ZNF559: variants seen among roughly 807,000 people sequenced by gnomAD.
ZNF559 encodes putative protein product of Nbla00121.
Under a neutral mutation model 14.2 loss-of-function variants are expected in ZNF559, and 17 were observed. The ratio of observed to expected loss-of-function variants is 1.20; its 90% CI spans 0.82 to 1.80. The LOEUF (loss-of-function observed/expected upper bound fraction) is 1.80. ZNF559 is among the 40% of genes most tolerant of loss of function. The pLI, the probability that ZNF559 is intolerant of heterozygous loss-of-function variation, is 0.00. For synonymous variants in ZNF559, 244 were observed against 212.4 expected (o/e 1.15, Z -1.29); for missense variants, 740 against 629.7 (o/e 1.18, Z -1.88).
chr19:9,326,476 G>T (rs1825778147), intron 2 of ZNF559, among the ~76,000 whole-genome samples: 2 of 152,186 alleles, frequency 1.3e-5, no homozygotes, highest in South Asian at 4.1e-4. Context: ...CCGTTCTCAT[G>T]CAATGATGTT....
Position 9,342,243 on chromosome 19 carries a change from T to C in ZNF559, c.792T>C (p.Ser264=), listed in dbSNP as rs374613893. 6.3e-7 allele frequency: 1 copy of C among 1,586,814 alleles called. No individual in the cohort carries two copies. The highest frequency in any genetic ancestry group is 8.5e-7 in the Non-Finnish European group (1 of 1,170,772). The change falls in exon 7 of 7, where the codon AGT becomes AGC. Residue 264 remains serine, a synonymous_variant. Transcript: ENST00000603380. ...TTACTCAACATTTAAGAACTCATAG[T>C]AGAGTGTTACCTATAGAACATAAGA... ...SYLTQHLRTH[S]RVLPIEHKKF... is the part of the protein sequence containing the mutation.
chr19:9,339,232 C>A lies in ZNF559; in HGVS notation c.73C>A (p.Gln25Lys). ...TGAGGATGTGGCTGTGGACTTCACC[C>A]AGGAGGAGTGGACTTTGCTGGATCA... is the stretch of plus-strand genomic sequence containing the variant. ...TFEDVAVDFT[Q>K]EEWTLLDQTQ... Residue 25 changes from glutamine (Q) to lysine (K), a missense_variant, in exon 5 of 7, where the codon CAG becomes AAG. Gln to Lys is a moderately conservative substitution (Grantham distance 53). Coordinates refer to ENST00000603380, the MANE Select transcript of ZNF559 (RefSeq NM_032497.3). The A allele has an allele frequency of 6.2e-7, 1 of 1,613,918 alleles. No individual in the cohort carries two copies. The highest frequency in any genetic ancestry group is 1.1e-5 in the South Asian group (1 of 91,078).
intron 5 of ZNF559, among the ~76,000 whole-genome samples, chr19:9,339,934 A>ATTTT (rs545536064): frequency 1.5e-4 from 13 of 86,402 alleles, no homozygotes; most frequent in Non-Finnish European, 1.9e-4. Context: ...ACGCCTGGCT[A>ATTTT]TTTTTTTTTT....
Position 9,342,367 on chromosome 19 carries a change from T to C in ZNF559, c.916T>C (p.Phe306Leu), listed in dbSNP as rs932024391. The C allele has an allele frequency of 6.2e-7, 1 of 1,609,910 alleles. No homozygotes were observed. Among genetic ancestry groups the C allele is most frequent in the Non-Finnish European group, 8.5e-7 (1 of 1,177,926 alleles). ...HYVCNECGKE[F>L]TCFSKLNIHI... ...TGTTTGTAATGAATGTGGCAAAGAA[T>C]TTACTTGTTTCTCAAAACTCAACAT... Residue 306 changes from phenylalanine (F) to leucine (L), a missense_variant, in exon 7 of 7, where the codon TTT (phenylalanine) becomes CTT (leucine). Coordinates refer to ENST00000603380, the MANE Select transcript of ZNF559 (RefSeq NM_032497.3).
At chr19:9,330,825 T>C (rs2066898096) in intron 2 of ZNF559, among the ~76,000 whole-genome samples, 1 of 152,218 alleles carries the variant, frequency 6.6e-6, no homozygotes, top group Non-Finnish European at 1.5e-5. Context: ...CTACTGAATA[T>C]TTGTTTTCTT....
At chr19:9,325,349 C>A (rs1025685822) in intron 2 of ZNF559, among the ~76,000 whole-genome samples, 2 of 151,604 alleles carry the variant, frequency 1.3e-5, no homozygotes, top group African/African-American at 4.9e-5. Flanking sequence ...GGCCGAGATG[C>A]GAGGATCACT....
intron 2 of ZNF559, among the ~76,000 whole-genome samples, chr19:9,331,271 T>C (rs939598190): frequency 8.5e-5 from 13 of 152,202 alleles, no homozygotes; most frequent in Non-Finnish European, 1.5e-4. Flanking sequence ...GCTAATTCTT[T>C]AGTTTTCTGT....
At position 9,326,105 on chromosome 19, in the gene ZNF559, A is replaced by ATTTTT. The variant is rs71183701; in HGVS notation, c.-120+1347_-120+1351dup. The stretch of plus-strand genomic sequence containing the variant: ...GTTTTTTAACTAGACTATTCACCTG[A>ATTTTT]TTTTTTTTTTTTTTTTTTTTTTTTT... On this transcript the variant is annotated intron_variant, in intron 2 of 6. Transcript: ENST00000603380. 2.6e-4 allele frequency among the ~76,000 whole-genome samples: 19 copies of ATTTTT among 73,734 alleles called. 1 individual carries two copies. The highest frequency in any genetic ancestry group is 6.4e-4 in the African/African-American group (13 of 20,466). The allele number at this position is 73,734 out of a possible 152,430, so 48.4% of individuals were successfully genotyped here.
chr19:9,330,383 G>A (rs1026417665), intron 2 of ZNF559, among the ~76,000 whole-genome samples: 6 of 152,100 alleles, frequency 3.9e-5, no homozygotes, highest in Non-Finnish European at 7.4e-5. Flanking sequence ...AAAATTTATA[G>A]CTATTCTTTA....
At chr19:9,328,276 C>T (rs939855981) in intron 2 of ZNF559, among the ~76,000 whole-genome samples, 4 of 148,410 alleles carry the variant, frequency 2.7e-5, no homozygotes, top group Admixed American at 6.7e-5. Flanking sequence ...AAAGTTCAAA[C>T]ATTTGCTTGA....
chr19:9,341,634 A>G (rs781515616), intron 6 of ZNF559, 61 bp from the exon 7 acceptor site: 2 of 1,603,398 alleles, frequency 1.2e-6, no homozygotes, highest in East Asian at 4.5e-5. Context: ...AGTAAAAGGG[A>G]GAATCTCAAT....
Position 9,339,322 on chromosome 19 carries a change from A to G in ZNF559, c.160+3A>G, listed in dbSNP as rs771160788. On this transcript the variant is annotated splice_donor_region_variant and intron_variant, in intron 5 of 6. Transcript: ENST00000603380. ...CTATAAGAATCTAGTTGCAGTAGGT[A>G]AGGCTGGTACCATTCTTTTCATTTA... 5 of 1,610,574 alleles carry G rather than the reference A, an allele frequency of 3.1e-6. No homozygotes were observed. In the South Asian group the frequency reaches 3.3e-5, roughly 11 times the overall value.
rs373851481 is a variant in ZNF559, at chr19:9,342,912, C to A, written c.1461C>A (p.His487Gln). The change falls in exon 7 of 7, where the codon CAC becomes CAA. Residue 487 changes from histidine to glutamine, a missense_variant. Physicochemically the swap from His to Gln is conservative, Grantham distance 24. Coordinates refer to ENST00000603380, the MANE Select transcript of ZNF559 (RefSeq NM_032497.3). ...SSGLTVHMRT[H>Q]TGERPFECQE... is the part of the protein sequence containing the mutation. ...GCCTTACAGTACACATGAGAACTCACACTGGTGAACGGCCCTTTGAATGTC... is the reference window on the plus strand; with the variant it reads ...GCCTTACAGTACACATGAGAACTCAAACTGGTGAACGGCCCTTTGAATGTC... 5.6e-6 allele frequency: 9 copies of A among 1,614,204 alleles called. No individual in the cohort carries two copies. The highest frequency in any genetic ancestry group is 7.6e-6 in the Non-Finnish European group (9 of 1,180,032).
chr19:9,324,342 G>T, intron 1 of ZNF559, 114 bp downstream of exon 1: 1 of 1,520,694 alleles, frequency 6.6e-7, no homozygotes, highest in Non-Finnish European at 8.8e-7. Context: ...TGCACTTTCG[G>T]GCATTTCGAG....
chr19:9,339,996 C>T (rs1230862356), intron 5 of ZNF559, among the ~76,000 whole-genome samples: 5 of 142,242 alleles, frequency 3.5e-5, no homozygotes, highest in South Asian at 2.2e-4. Context: ...CTGTGTTAGC[C>T]AGGATGGTCT....
In ZNF559 at chr19:9,325,780, C is replaced by T. The variant is rs376647941; in HGVS notation, c.-120+1000C>T. ...CAGCCTGGGCAACAGTGCGAGACTCCGTCTCCAAAAAAAAAAAAAAAAGTC... is the reference window on the plus strand; with the variant it reads ...CAGCCTGGGCAACAGTGCGAGACTCTGTCTCCAAAAAAAAAAAAAAAAGTC... On this transcript the variant is annotated intron_variant, in intron 2 of 6. Transcript: ENST00000603380. Among the ~76,000 whole-genome samples the T allele has an allele frequency of 1.2e-3, 76 of 61,380 alleles. 1 individual carries two copies. Among genetic ancestry groups the T allele is most frequent in the African/African-American group, 4.9e-3 (69 of 14,058 alleles). The allele number at this position is 61,380 out of a possible 152,430, so 40.3% of individuals were successfully genotyped here. A position where few individuals can be genotyped will look rare whatever the true frequency, so the allele number is the denominator to read the frequency against.
chr19:9,343,243 G>A lies in ZNF559; in HGVS notation c.*175G>A. 7.0e-7 allele frequency: 1 copy of A among 1,422,686 alleles called. No homozygotes were observed. The highest frequency in any genetic ancestry group is 9.2e-7 in the Non-Finnish European group (1 of 1,092,282). 88.1% of individuals were successfully genotyped at this position (1,422,686 alleles called of 1,614,324 possible). A position where few individuals can be genotyped will look rare whatever the true frequency, so the allele number is the denominator to read the frequency against. ...GAGAAGACATATGAATGTAAGGAAT[G>A]TGGGAAAATCTTGGCTCCTTCCATA... On this transcript the variant is annotated 3_prime_UTR_variant, in exon 7 of 7. Transcript: ENST00000603380.
rs552815804 is a variant in ZNF559 at position 9,327,286 on chromosome 19, C to T, written c.-120+2506C>T. 8.6e-4 allele frequency among the ~76,000 whole-genome samples: 130 copies of T among 151,990 alleles called. 2 individuals are homozygous for T. In the East Asian group the frequency reaches 0.023, roughly 27 times the overall value. ...TTGTTTTGACGGAGTCTCACTCTGC[C>T]GCCCAGGCTGGAGTACAGTGGCGTG... On this transcript the variant is annotated intron_variant, in intron 2 of 6. Coordinates refer to ENST00000603380, the MANE Select transcript of ZNF559 (RefSeq NM_032497.3).
At position 9,324,183 on chromosome 19, in the gene ZNF559, G is replaced by A. The variant is rs142182540; in HGVS notation, c.-251G>A. On this transcript the variant is annotated 5_prime_UTR_variant, in exon 1 of 7. Coordinates refer to ENST00000603380, the MANE Select transcript of ZNF559 (RefSeq NM_032497.3). ...GCGGCGTGTCTGCGTGGGCGCATGC[G>A]CATAACGGCCGCCATCTTAACAGCG... is the stretch of plus-strand genomic sequence containing the variant. 3,810 of 1,536,068 alleles carry A rather than the reference G, an allele frequency of 2.5e-3. 3 individuals are homozygous for A. Among genetic ancestry groups the A allele is most frequent in the Non-Finnish European group, 3.1e-3 (3,591 of 1,146,874 alleles).
Sources: allele counts gnomAD v4.1 joint callset (sites outside exome capture counted in the v4.1 genomes callset), GRCh38; gene constraint gnomAD v4.1.1; transcripts MANE v1.5; gene names NCBI Gene and HGNC (gene_info 2026-07-23, HGNC 2026-07-21).